The following ZNF407 variants were observed in gnomAD, a reference collection of about 807,000 sequenced individuals.
The protein encoded by ZNF407 is zinc finger protein 407.
Under a neutral mutation model 131.2 loss-of-function variants are expected in ZNF407, and 17 were observed. The observed-to-expected ratio is 0.13, with a 90% CI of 0.09 to 0.19. The LOEUF (loss-of-function observed/expected upper bound fraction) is 0.19, where lower values mean the gene tolerates loss of function less well. ZNF407 is among the 10% of genes least tolerant of loss of function. The pLI is 1.00. For missense variants in ZNF407, 2,681 were observed against 2,830.6 expected, an observed-to-expected ratio of 0.95 and a Z score of 1.20; for synonymous variants, 1,156 against 1,062.0, an observed-to-expected ratio of 1.09 and a Z score of -1.72.
chr18:74,807,009 T>C (rs1346897587), intron 4 of ZNF407, among the ~76,000 whole-genome samples: 1 of 152,192 alleles, frequency 6.6e-6, no homozygotes, highest in Admixed American at 6.5e-5. Flanking sequence ...AACTGGAAAG[T>C]AAGTGAAGAA....
chr18:74,676,499 G>T (rs372487609), intron 3 of ZNF407, among the ~76,000 whole-genome samples: 66 of 149,414 alleles, frequency 4.4e-4, no homozygotes, highest in Middle Eastern at 3.7e-3. Context: ...TGCAGTGGCG[G>T]GATCTCGGCT....
chr18:74,951,509 G>A lies in ZNF407; in HGVS notation c.5428+30817G>A, dbSNP rs188873272. Reference sequence around the variant, plus strand: ...TGACCCTTCTGCCTCTCACTGCCTCGTCTTCTCATTGATTGCATGCCTTTG... The same window carrying A: ...TGACCCTTCTGCCTCTCACTGCCTCATCTTCTCATTGATTGCATGCCTTTG... On this transcript the variant is annotated intron_variant, in intron 8 of 8. Transcript: ENST00000299687. 1.0e-3 allele frequency among the ~76,000 whole-genome samples: 156 copies of A among 152,232 alleles called. 1 individual carries two copies. The highest frequency in any genetic ancestry group is 3.5e-3 in the African/African-American group (145 of 41,534).
In ZNF407 at chr18:74,703,462, G is replaced by T. The variant is rs565119545; in HGVS notation, c.4802+62340G>T. Among the ~76,000 whole-genome samples the T allele has an allele frequency of 6.6e-6, 1 of 152,208 alleles. No homozygotes were observed. Among genetic ancestry groups the T allele is most frequent in the South Asian group, 2.1e-4 (1 of 4,818 alleles). On this transcript the variant is annotated intron_variant, in intron 3 of 8. Coordinates refer to ENST00000299687, the MANE Select transcript of ZNF407 (RefSeq NM_017757.3). This position sits in a 1 kb window ranked among gnomAD's most constrained non-coding sequence, Gnocchi z 4.1. ...GCTCACCGCAACCTCCACCTTCTGGGTTCAAGCAGTTCTCCTGCCTCAGCC... is the reference window on the plus strand; with the variant it reads ...GCTCACCGCAACCTCCACCTTCTGGTTTCAAGCAGTTCTCCTGCCTCAGCC...
At chr18:74,646,978 C>T (rs1469329615) in intron 3 of ZNF407, among the ~76,000 whole-genome samples, 1 of 152,070 alleles carries the variant, frequency 6.6e-6, no homozygotes, top group Non-Finnish European at 1.5e-5. Flanking sequence ...TATGATCAAC[C>T]TATAACAAAA....
intron 8 of ZNF407, among the ~76,000 whole-genome samples, chr18:75,054,896 C>A (rs1353612290): frequency 1.3e-5 from 2 of 152,236 alleles, no homozygotes; most frequent in South Asian, 2.1e-4. Flanking sequence ...GGCTCCCCCC[C>A]ATACAAAGCC....
chr18:74,631,398 C>A lies in ZNF407; in HGVS notation c.379C>A (p.Leu127Ile). The change falls in exon 2 of 9, where the codon CTC becomes ATC. Residue 127 changes from leucine to isoleucine, a missense_variant. Physicochemically the swap from Leu to Ile is conservative, Grantham distance 5 (BLOSUM62 2). Transcript: ENST00000299687. ...LSDCTVGGTC[L>I]PNALSPSCNF... ...TGACTGCACAGTTGGAGGCACATGT[C>A]TCCCAAATGCCCTCTCCCCTTCTTG... is the stretch of plus-strand genomic sequence containing the variant. The A allele has an allele frequency of 6.2e-7, 1 of 1,613,954 alleles. No homozygotes were observed. Among genetic ancestry groups the A allele is most frequent in the Non-Finnish European group, 8.5e-7 (1 of 1,179,860 alleles).
At chr18:74,599,287 A>T (rs1476065858) in intron 1 of ZNF407, among the ~76,000 whole-genome samples, 1 of 152,230 alleles carries the variant, frequency 6.6e-6, no homozygotes, top group African/African-American at 2.4e-5. Context: ...ATAATTGCTC[A>T]CAACACAGTT....
intron 4 of ZNF407, among the ~76,000 whole-genome samples, chr18:74,825,431 A>T (rs1004966263): frequency 6.6e-6 from 1 of 152,224 alleles, no homozygotes; most frequent in Admixed American, 6.5e-5. Context: ...ATGATTGTAT[A>T]TTTAGAAAAC....
intron 3 of ZNF407, among the ~76,000 whole-genome samples, chr18:74,738,564 C>G (rs189356290): frequency 5.5e-5 from 8 of 144,818 alleles, no homozygotes; most frequent in Non-Finnish European, 1.2e-4. Context: ...ATAATGAAAC[C>G]TTGTCTCTAC....
At chr18:74,637,497 GT>G (rs11334379) in intron 2 of ZNF407, among the ~76,000 whole-genome samples, 30,826 of 146,812 alleles carry the variant, frequency 0.21, 4,098 homozygotes, top group African/African-American at 0.39. Flanking sequence ...AGTTAGCATA[GT>G]TTTTTTTTTT....
chr18:75,017,453 G>C (rs1973058523), intron 8 of ZNF407, among the ~76,000 whole-genome samples: 2 of 152,102 alleles, frequency 1.3e-5, no homozygotes, highest in Non-Finnish European at 2.9e-5. Flanking sequence ...CTGATGTTTT[G>C]GCAGGGAGGT....
chr18:74,919,408 C>G (rs1332977788), intron 7 of ZNF407, among the ~76,000 whole-genome samples: 1 of 152,194 alleles, frequency 6.6e-6, no homozygotes, highest in Non-Finnish European at 1.5e-5. Flanking sequence ...CAAGATTCTG[C>G]AGTGCACTGT....
At chr18:74,793,343 A>G (rs1025419287) in intron 4 of ZNF407, among the ~76,000 whole-genome samples, 3 of 152,214 alleles carry the variant, frequency 2.0e-5, no homozygotes, top group Non-Finnish European at 4.4e-5. Context: ...TTTGGTGTTA[A>G]ATTCACAAGT....
chr18:74,880,849 A>C (rs1220080080), intron 5 of ZNF407, among the ~76,000 whole-genome samples, 187 bp from the exon 6 acceptor site: 7 of 152,236 alleles, frequency 4.6e-5, no homozygotes, highest in Non-Finnish European at 1.0e-4. Context: ...ACAAGTATGT[A>C]ATTATGTTCA....
At chr18:74,791,105 A>G (rs1252681165) in intron 4 of ZNF407, among the ~76,000 whole-genome samples, 1 of 152,200 alleles carries the variant, frequency 6.6e-6, no homozygotes, top group East Asian at 1.9e-4. Context: ...CAGATGATTG[A>G]TAATCCCGTT....
chr18:74,636,136 T>A (rs919647756), intron 2 of ZNF407, among the ~76,000 whole-genome samples: 2 of 152,182 alleles, frequency 1.3e-5, no homozygotes, highest in African/African-American at 4.8e-5. Flanking sequence ...GTAAAAATAT[T>A]CATCATTAGA....
At chr18:74,707,220 G>A (rs1967647710) in intron 3 of ZNF407, among the ~76,000 whole-genome samples, 1 of 152,054 alleles carries the variant, frequency 6.6e-6, no homozygotes, top group Non-Finnish European at 1.5e-5. Context: ...GAAAGTGCTG[G>A]GATTACAGGA....
intron 1 of ZNF407, among the ~76,000 whole-genome samples, chr18:74,605,371 C>A (rs1219352379): frequency 1.3e-5 from 2 of 152,074 alleles, no homozygotes; most frequent in Non-Finnish European, 2.9e-5. Context: ...CTATGAAATG[C>A]GTATTATCTT....
chr18:74,773,780 T>C (rs1422140840), intron 3 of ZNF407, among the ~76,000 whole-genome samples: 1 of 152,222 alleles, frequency 6.6e-6, no homozygotes, highest in African/African-American at 2.4e-5. Flanking sequence ...TGTGTATATT[T>C]CCTTCTGTGC....
Sources: allele counts gnomAD v4.1 joint callset (sites outside exome capture counted in the v4.1 genomes callset), GRCh38; gene constraint gnomAD v4.1.1; non-coding constraint Gnocchi (gnomAD v3.1); transcripts MANE v1.5; gene names NCBI Gene and HGNC (gene_info 2026-07-23, HGNC 2026-07-21).